Variants in MRPL9 observed in about 807,000 individuals in gnomAD.
MRPL9 encodes the protein mitochondrial ribosomal protein L9, also known as large ribosomal subunit protein bL9m.
A neutral mutation model predicts 27.6 loss-of-function variants in MRPL9; 25 were observed. The ratio of observed to expected loss-of-function variants is 0.91; its 90% CI spans 0.66 to 1.27. MRPL9 has a LOEUF of 1.27. Ranked by LOEUF, MRPL9 falls within the 50% of genes most tolerant of loss-of-function variation. The probability of loss-of-function intolerance (pLI) is 0.00; values close to 1 mark genes in which losing one functional copy is unlikely to be tolerated. For missense variants in MRPL9, 362 were observed against 338.0 expected (o/e 1.07, Z -0.56); for synonymous variants, 154 against 139.0 (o/e 1.11, Z -0.76).
intron 1 of MRPL9, 84 bp downstream of exon 1, chr1:151,763,243 C>A (rs1648198020): frequency 1.3e-6 from 2 of 1,533,968 alleles, no homozygotes; most frequent in Non-Finnish European, 1.8e-6. Context: ...CCGCCACCCC[C>A]ACATCGGCCC....
rs1648091054 is a variant in MRPL9, at chr1:151,761,666, G to T, written c.487-114C>A. The T allele has an allele frequency of 6.7e-6, 5 of 742,322 alleles. No homozygotes were observed. In the South Asian group the frequency reaches 6.8e-5, roughly 10 times the overall value. 46.0% of individuals were successfully genotyped at this position (742,322 alleles called of 1,614,324 possible). ...AATCCCAGCACTTTGGGAGGCCAAG[G>T]TGGGTCTCCCAAAGTGGGTCACTTC... is the stretch of plus-strand genomic sequence containing the variant. On this transcript the variant is annotated intron_variant, in intron 4 of 6. Coordinates refer to ENST00000368830, the MANE Select transcript of MRPL9 (RefSeq NM_031420.4).
intron 1 of MRPL9, 71 bp from the exon 2 acceptor site, chr1:151,763,217 G>A: frequency 6.4e-7 from 1 of 1,553,836 alleles, no homozygotes; most frequent in Non-Finnish European, 8.7e-7. Context: ...ACGGCCGCCA[G>A]CCCCTCAAGG....
intron 3 of MRPL9, 72 bp from the exon 4 acceptor site, chr1:151,762,227 C>T (rs1648120773): frequency 6.4e-7 from 1 of 1,574,326 alleles, no homozygotes; most frequent in Admixed American, 1.7e-5. Context: ...TCAAACTATT[C>T]CTATGTTGGA....
At position 151,759,755 on chromosome 1, in the gene MRPL9, A is replaced by G. The variant is rs1043771949; in HGVS notation, c.*295T>C. 3 of 287,302 alleles carry G rather than the reference A, an allele frequency of 1.0e-5. No homozygotes were observed. The Admixed American group carries it at 1.6e-4, about 15-fold the overall frequency. 17.8% of individuals were successfully genotyped at this position (287,302 alleles called of 1,614,324 possible). ...AATGGCTGGCTCTCCTGTTTGTCCC[A>G]ATAAACTCCAATGGAGGAAGAAGCT... On this transcript the variant is annotated 3_prime_UTR_variant, in exon 7 of 7. Transcript: ENST00000368830.
rs188019474 is a variant in MRPL9 at position 151,761,547 on chromosome 1, C to A, written c.492G>T (p.Val164=). ...CCAGGCGACAGCTTTTTAGAAATTTCACTGTCTGAAAGGAATTATGAGTTT... is the reference window on the plus strand; with the variant it reads ...CCAGGCGACAGCTTTTTAGAAATTTAACTGTCTGAAAGGAATTATGAGTTT... ...KIQTKAGEAT[V]KFLKSCRLEV... is the part of the protein sequence containing the mutation. The change falls in exon 5 of 7, where the codon GTG becomes GTT. Residue 164 remains valine, a synonymous_variant. Transcript: ENST00000368830. The A allele has an allele frequency of 1.2e-6, 2 of 1,609,474 alleles. No homozygotes were observed. Among genetic ancestry groups the A allele is most frequent in the Non-Finnish European group, 8.5e-7 (1 of 1,176,184 alleles).
rs1362628271 is a variant in MRPL9, at chr1:151,763,014, G to C, written c.286C>G (p.Leu96Val). 6.2e-7 allele frequency: 1 copy of C among 1,614,212 alleles called. No homozygotes were observed. ...CTCTCCACCGACTGCGTCAGGATGA[G>C]CTCCAGGTTTTCTTTGGGCCGATGC... ...TKHRPKENLE[L>V]ILTQSVENVG... Residue 96 changes from leucine (L) to valine (V), a missense_variant, in exon 2 of 7, where the codon CTC (leucine) becomes GTC (valine). Coordinates refer to ENST00000368830, the MANE Select transcript of MRPL9 (RefSeq NM_031420.4).
Position 151,763,053 on chromosome 1 carries a change from C to T in MRPL9, c.247G>A (p.Val83Met). The T allele has an allele frequency of 6.2e-7, 1 of 1,614,196 alleles. No homozygotes were observed. ...TTGGGCCGATGCTTCGTGTCCTCCA[C>T]CAGCTTATAGACGCGATGTCGCCGG... ...LHRRHRVYKL[V>M]EDTKHRPKEN... The change falls in exon 2 of 7, where the codon GTG (valine) becomes ATG (methionine). Residue 83 changes from valine to methionine, a missense_variant. Coordinates refer to ENST00000368830, the MANE Select transcript of MRPL9 (RefSeq NM_031420.4).
chr1:151,760,069 G>A lies in MRPL9; in HGVS notation c.785C>T (p.Pro262Leu), dbSNP rs921214044. 13 of 1,613,866 alleles carry A rather than the reference G, an allele frequency of 8.1e-6. No individual in the cohort carries two copies. Among genetic ancestry groups the A allele is most frequent in the Non-Finnish European group, 1.0e-5 (12 of 1,179,960 alleles). ...GTAGATTTAGATCTGGGGGCTGGTG[G>A]GGGCCATAGCCTTGGCAGCTTGCTG... Reference protein sequence around the residue: ...LAQQAAKAMAPTSPQI With the variant: ...LAQQAAKAMALTSPQI The change falls in exon 7 of 7, where the codon CCC becomes CTC. Residue 262 changes from proline (P) to leucine (L), a missense_variant. Pro to Leu is a moderately conservative substitution (Grantham distance 98, BLOSUM62 -3). Coordinates refer to ENST00000368830, the MANE Select transcript of MRPL9 (RefSeq NM_031420.4).
intron 3 of MRPL9, 23 bp from the exon 4 acceptor site, chr1:151,762,178 A>G: frequency 6.2e-7 from 1 of 1,612,998 alleles, no homozygotes; most frequent in Non-Finnish European, 8.5e-7. Context: ...GTTAAAGATG[A>G]AAAGCAGTAA....
intron 2 of MRPL9, 39 bp downstream of exon 2, chr1:151,762,951 G>A (rs749908409): frequency 5.0e-6 from 8 of 1,601,250 alleles, no homozygotes; most frequent in South Asian, 1.1e-5. Flanking sequence ...ATGCCAAACC[G>A]GACCAGCCTG....
rs1046565812 is a variant in MRPL9 at position 151,759,933 on chromosome 1, T to C, written c.*117A>G. ...TGTATACGCAGTGCAGTCTGATGTC[T>C]TCAGATGTTCTCTAAAATTCTGTAT... On this transcript the variant is annotated 3_prime_UTR_variant, in exon 7 of 7. Coordinates refer to ENST00000368830, the MANE Select transcript of MRPL9 (RefSeq NM_031420.4). 627 of 1,378,260 alleles carry C rather than the reference T, an allele frequency of 4.5e-4. 8 individuals are homozygous for C. In the East Asian group the frequency reaches 0.015, roughly 32 times the overall value. The allele number at this position is 1,378,260 out of a possible 1,614,324, so 85.4% of individuals were successfully genotyped here.
Position 151,760,024 on chromosome 1 carries a change from T to C in MRPL9, c.*26A>G. 6.2e-7 allele frequency: 1 copy of C among 1,608,792 alleles called. No individual in the cohort carries two copies. Among genetic ancestry groups the C allele is most frequent in the Non-Finnish European group, 8.5e-7 (1 of 1,176,818 alleles). On this transcript the variant is annotated 3_prime_UTR_variant, in exon 7 of 7. Transcript: ENST00000368830. ...TCTGCTCCACTGCTCCCGATTCTGCTTTGCTGCCTTGGAGGGAGAGTAGAT... is the reference window on the plus strand; with the variant it reads ...TCTGCTCCACTGCTCCCGATTCTGCCTTGCTGCCTTGGAGGGAGAGTAGAT...
At chr1:151,760,939 T>C in intron 5 of MRPL9, 40 bp from the exon 6 acceptor site, 1 of 1,360,402 alleles carries the variant, frequency 7.4e-7, no homozygotes, top group South Asian at 1.3e-5. Flanking sequence ...TCAGCTCAAA[T>C]GAACTCTGTT....
Position 151,760,662 on chromosome 1 carries a change from T to C in MRPL9, c.672+154A>G, listed in dbSNP as rs144746208. 7.5e-3 allele frequency among the ~76,000 whole-genome samples: 1,138 copies of C among 150,790 alleles called. 19 individuals are homozygous for C. Among genetic ancestry groups the C allele is most frequent in the African/African-American group, 0.026 (1,076 of 41,054 alleles). On this transcript the variant is annotated intron_variant, in intron 6 of 6. Transcript: ENST00000368830. ...GGCTAACGCCTGTAGTCCTAGCTAC[T>C]TGGGAGGCTGAGGTGGGAGGATCGC...
chr1:151,760,902 G>GCAAAAAAAAAAAAAAAAAAAAAA lies in MRPL9; in HGVS notation c.589-26_589-4dup, dbSNP rs1648035106. The GCAAAAAAAAAAAAAAAAAAAAAA allele has an allele frequency of 9.8e-7, 1 of 1,019,992 alleles. No homozygotes were observed. The highest frequency in any genetic ancestry group is 1.2e-6 in the Non-Finnish European group (1 of 818,556). 63.2% of individuals were successfully genotyped at this position (1,019,992 alleles called of 1,614,324 possible). A position where few individuals can be genotyped will look rare whatever the true frequency, so the allele number is the denominator to read the frequency against. On this transcript the variant is annotated splice_polypyrimidine_tract_variant and splice_region_variant and intron_variant, in intron 5 of 6. Transcript: ENST00000368830. ...TGTGGGGCAACCACAACACCAAGCT[G>GCAAAAAAAAAAAAAAAAAAAAAA]CAAAAAAAAAAAAAAAAAAAAAAAT...
chr1:151,760,921 A>ATAAAAT lies in MRPL9; in HGVS notation c.589-23_589-22insATTTTA, dbSNP rs1553276959. On this transcript the variant is annotated intron_variant, in intron 5 of 6. Coordinates refer to ENST00000368830, the MANE Select transcript of MRPL9 (RefSeq NM_031420.4). The stretch of plus-strand genomic sequence containing the variant: ...CAAGCTGCAAAAAAAAAAAAAAAAA[A>ATAAAAT]AAAAATCTCAGCTCAAATGAACTCT... 1.6e-5 allele frequency: 25 copies of ATAAAAT among 1,541,116 alleles called. No individual in the cohort carries two copies. The African/African-American group carries it at 3.2e-4, about 20-fold the overall frequency.
chr1:151,762,606 C>G, intron 2 of MRPL9, 106 bp from the exon 3 acceptor site: 1 of 1,203,674 alleles, frequency 8.3e-7, no homozygotes, highest in Non-Finnish European at 1.2e-6. Context: ...GCTTATTTTT[C>G]CTAAAAGAAA....
Position 151,760,888 on chromosome 1 carries a change from C to CACA in MRPL9, c.597_599dup (p.Val201dup), listed in dbSNP as rs1256236197. 5.0e-5 allele frequency: 74 copies of CACA among 1,468,954 alleles called. No individual in the cohort carries two copies. Among genetic ancestry groups the CACA allele is most frequent in the Admixed American group, 9.7e-5 (4 of 41,240 alleles). 91.0% of individuals were successfully genotyped at this position (1,468,954 alleles called of 1,614,324 possible). ...GTAACTTTAATGTATGTGGGGCAAC[C>CACA]ACAACACCAAGCTGCAAAAAAAAAA... On this transcript the variant is annotated inframe_insertion, in exon 6 of 7. Coordinates refer to ENST00000368830, the MANE Select transcript of MRPL9 (RefSeq NM_031420.4).
rs924954672 is a variant in MRPL9 at position 151,760,030 on chromosome 1, G to T, written c.*20C>A. 2.6e-5 allele frequency: 42 copies of T among 1,611,638 alleles called. No homozygotes were observed. Among genetic ancestry groups the T allele is most frequent in the Non-Finnish European group, 3.3e-5 (39 of 1,178,548 alleles). ...CCACTGCTCCCGATTCTGCTTTGCT[G>T]CCTTGGAGGGAGAGTAGATTTAGAT... On this transcript the variant is annotated 3_prime_UTR_variant, in exon 7 of 7. Transcript: ENST00000368830.
Sources: gnomAD v4.1 joint callset for allele counts (sites outside exome capture counted in the v4.1 genomes callset) on GRCh38, gnomAD v4.1.1 for gene constraint, MANE v1.5 for transcripts, NCBI Gene and HGNC (gene_info 2026-07-23, HGNC 2026-07-21) for gene names.